Variants in MAPK8IP3 observed in about 807,000 individuals in gnomAD.
MAPK8IP3 encodes the protein mitogen-activated protein kinase 8 interacting protein 3.
In MAPK8IP3, 49 loss-of-function variants were observed where a neutral mutation model predicts 157.8. The ratio of observed to expected loss-of-function variants is 0.31; its 90% CI spans 0.25 to 0.39. The LOEUF is 0.39. Among genes scored for constraint, MAPK8IP3 ranks in the 10% least tolerant of loss-of-function variants. MAPK8IP3 has a pLI of 1.00. For synonymous variants in MAPK8IP3, 897 were observed against 777.7 expected (o/e 1.15, Z -2.55); for missense variants, 1,478 against 1,889.4 (o/e 0.78, Z 4.04).
chr16:1,739,412 G>A (rs1357755167), intron 4 of MAPK8IP3, among the ~76,000 whole-genome samples: 2 of 144,776 alleles, frequency 1.4e-5, no homozygotes, highest in Admixed American at 1.4e-4. Flanking sequence ...GTCCATGTGA[G>A]CATCCCTGTG....
At chr16:1,712,903 C>T (rs754446033) in intron 1 of MAPK8IP3, among the ~76,000 whole-genome samples, 1 of 152,268 alleles carries the variant, frequency 6.6e-6, no homozygotes, top group Non-Finnish European at 1.5e-5. Flanking sequence ...CCAGGCCTCT[C>T]TCCCGGCTTC....
chr16:1,768,520 A>C lies in MAPK8IP3; in HGVS notation c.3786A>C (p.Pro1262=). The C allele has an allele frequency of 2.6e-6, 4 of 1,557,856 alleles. No homozygotes were observed. Among genetic ancestry groups the C allele is most frequent in the Middle Eastern group, 1.7e-4 (1 of 5,904 alleles). The change falls in exon 31 of 32, where the codon CCA becomes CCC. Residue 1262 remains proline (P), a synonymous_variant. Coordinates refer to ENST00000610761, the MANE Select transcript of MAPK8IP3 (RefSeq NM_001318852.2). ...TGAATGGGAGTGTGCTGGACAGCCC[A>C]GCCGAGGGCCCTGGGCCAGCTGCCC... ...ATLNGSVLDS[P]AEGPGPAAPA...
In MAPK8IP3 at chr16:1,706,297, G is replaced by C; in HGVS notation, c.-43G>C. ...GAGGCAGCTGGGGAGGGCCGGGCGC[G>C]CCGGCCGGATAGCGAGCCGCGCTGG... On this transcript the variant is annotated 5_prime_UTR_variant, in exon 1 of 32. Transcript: ENST00000610761. This position sits in a 1 kb window ranked among gnomAD's most constrained non-coding sequence, Gnocchi z 5.1. 6.7e-7 allele frequency: 1 copy of C among 1,491,106 alleles called. No homozygotes were observed. Among genetic ancestry groups the C allele is most frequent in the Non-Finnish European group, 8.9e-7 (1 of 1,120,546 alleles). 92.4% of individuals were successfully genotyped at this position (1,491,106 alleles called of 1,614,324 possible).
At chr16:1,731,541 G>A (rs2039318256) in intron 4 of MAPK8IP3, among the ~76,000 whole-genome samples, 1 of 152,216 alleles carries the variant, frequency 6.6e-6, no homozygotes, top group Non-Finnish European at 1.5e-5. Context: ...CAGTTCTAGG[G>A]TTAGTTCCAG....
At chr16:1,725,064 T>G (rs1267276998) in intron 2 of MAPK8IP3, among the ~76,000 whole-genome samples, 1 of 152,046 alleles carries the variant, frequency 6.6e-6, no homozygotes, top group Non-Finnish European at 1.5e-5. Flanking sequence ...CCCGCTGGTG[T>G]AGCCCCATTG....
intron 2 of MAPK8IP3, among the ~76,000 whole-genome samples, chr16:1,727,438 C>G (rs2038960728): frequency 6.6e-6 from 1 of 151,734 alleles, no homozygotes; most frequent in Non-Finnish European, 1.5e-5. Context: ...TGTCACGTGT[C>G]ATGTCTGTAA....
intron 2 of MAPK8IP3, among the ~76,000 whole-genome samples, chr16:1,727,242 G>T (rs1035351257): frequency 6.0e-5 from 9 of 149,674 alleles, no homozygotes; most frequent in African/African-American, 7.4e-5. Flanking sequence ...GCTATGTGCG[G>T]GTCTGTGTGA....
chr16:1,737,431 A>T (rs1286098595), intron 4 of MAPK8IP3, among the ~76,000 whole-genome samples: 1 of 79,216 alleles, frequency 1.3e-5, no homozygotes. Context: ...CGTCCGTGTG[A>T]GTGTGTGAGC....
At chr16:1,744,489 C>T (rs903256838) in intron 5 of MAPK8IP3, 1 of 985,518 alleles carries the variant, frequency 1.0e-6, no homozygotes, top group Non-Finnish European at 1.2e-6. Context: ...ATCTGGAACG[C>T]TCTCCTGTCC....
chr16:1,750,919 C>T (rs1300445225), intron 8 of MAPK8IP3, among the ~76,000 whole-genome samples: 1 of 151,802 alleles, frequency 6.6e-6, no homozygotes, highest in Non-Finnish European at 1.5e-5. Flanking sequence ...GCTGGGATTA[C>T]AGGCGTGAGC....
At chr16:1,761,425 C>G in intron 13 of MAPK8IP3, 120 bp downstream of exon 13, 1 of 872,338 alleles carries the variant, frequency 1.1e-6, no homozygotes. Context: ...ACAGGCAGAG[C>G]GGCCACCATT....
chr16:1,733,118 G>A (rs982221179), intron 4 of MAPK8IP3, among the ~76,000 whole-genome samples: 1 of 152,178 alleles, frequency 6.6e-6, no homozygotes, highest in Admixed American at 6.5e-5. Flanking sequence ...AGGGGAGCTG[G>A]GGGCAGAGGC....
At chr16:1,720,820 G>A (rs960630994) in intron 1 of MAPK8IP3, among the ~76,000 whole-genome samples, 1 of 151,456 alleles carries the variant, frequency 6.6e-6, no homozygotes, top group Non-Finnish European at 1.5e-5. Context: ...GGATCACGAG[G>A]TCAGGGGATC....
chr16:1,727,454 G>A (rs962228455), intron 2 of MAPK8IP3, among the ~76,000 whole-genome samples: 1 of 141,198 alleles, frequency 7.1e-6, no homozygotes, highest in African/African-American at 2.5e-5. Flanking sequence ...TGTAAGTCTT[G>A]TGTTGTGTGC....
chr16:1,721,421 T>C (rs1259610833), intron 1 of MAPK8IP3, among the ~76,000 whole-genome samples: 1 of 152,076 alleles, frequency 6.6e-6, no homozygotes, highest in Non-Finnish European at 1.5e-5. Flanking sequence ...GGCAATATAG[T>C]GAGATCCTAT....
rs543916821 is a variant in MAPK8IP3, at chr16:1,707,111, AC to A, written c.318+456del. The A allele has an allele frequency of 2.5e-3, 409 of 161,074 alleles. 2 individuals carry two copies. The highest frequency in any genetic ancestry group is 3.7e-3 in the South Asian group (22 of 5,926). 10.0% of individuals were successfully genotyped at this position (161,074 alleles called of 1,614,324 possible). ...GCTTTCGTGCGTGTGTTCAGTCAAAACCGTTTCCCGACCCCAAGTGCTACCT... is the reference window on the plus strand; with the variant it reads ...GCTTTCGTGCGTGTGTTCAGTCAAAACGTTTCCCGACCCCAAGTGCTACCT... On this transcript the variant is annotated intron_variant, in intron 1 of 31. Transcript: ENST00000610761.
At chr16:1,726,278 C>G (rs1041874801) in intron 2 of MAPK8IP3, among the ~76,000 whole-genome samples, 1 of 152,194 alleles carries the variant, frequency 6.6e-6, no homozygotes, top group Admixed American at 6.5e-5. Context: ...TAGGTAATGC[C>G]TTTCCATAAT....
chr16:1,767,234 C>G lies in MAPK8IP3; in HGVS notation c.3174C>G (p.Asp1058Glu). Residue 1058 changes from aspartate (D) to glutamate (E), a missense_variant, in exon 26 of 32, where the codon GAC (aspartate) becomes GAG (glutamate). Asp to Glu is a conservative substitution (Grantham distance 45). Coordinates refer to ENST00000610761, the MANE Select transcript of MAPK8IP3 (RefSeq NM_001318852.2). Reference protein sequence around the residue: ...HSIRCMAVVYDRVWCGYKNKV... With the variant: ...HSIRCMAVVYERVWCGYKNKV... The stretch of plus-strand genomic sequence containing the variant: ...TCCGCTGCATGGCTGTTGTGTACGA[C>G]CGCGTGTGGTGTGGCTACAAGAACA... 1 of 1,613,492 alleles carries G rather than the reference C, an allele frequency of 6.2e-7. No homozygotes were observed. The highest frequency in any genetic ancestry group is 8.5e-7 in the Non-Finnish European group (1 of 1,180,018).
rs773493436 is a variant in MAPK8IP3, at chr16:1,765,149, C to T, written c.2417C>T (p.Ala806Val). 55 of 1,607,074 alleles carry T rather than the reference C, an allele frequency of 3.4e-5. No individual in the cohort carries two copies. The highest frequency in any genetic ancestry group is 4.2e-5 in the Non-Finnish European group (49 of 1,175,360). The change falls in exon 20 of 32, where the codon GCG becomes GTG. Residue 806 changes from alanine (A) to valine (V), a missense_variant. By Grantham distance (64) the Ala-to-Val change is moderately conservative. Around this residue, in one of 11 missense-constraint regions of MAPK8IP3, gnomAD observed 669 missense variants for 759.8 expected, o/e 0.88. Coordinates refer to ENST00000610761, the MANE Select transcript of MAPK8IP3 (RefSeq NM_001318852.2). ...GTGGACCAGTTCACCGTCTGCAACG[C>T]GCACGTGCTGTGCATCTCCAGCATC... is the stretch of plus-strand genomic sequence containing the variant. ...TVVDQFTVCNAHVLCISSIPA... is the reference protein window; with the variant it reads ...TVVDQFTVCNVHVLCISSIPA...
Sources: allele counts gnomAD v4.1 joint callset (sites outside exome capture counted in the v4.1 genomes callset), GRCh38; gene constraint gnomAD v4.1.1; regional missense constraint gnomAD v4.1.1; non-coding constraint Gnocchi (gnomAD v3.1); transcripts MANE v1.5; gene names NCBI Gene and HGNC (gene_info 2026-07-23, HGNC 2026-07-21).